Variants in DEPTOR observed in about 807,000 individuals in gnomAD.
The protein encoded by DEPTOR is DEP domain-containing mTOR-interacting protein.
DEPTOR carries 41 observed loss-of-function variants against 41.6 expected under a neutral mutation model. The ratio of observed to expected loss-of-function variants is 0.98; its 90% CI spans 0.77 to 1.28. DEPTOR has a LOEUF of 1.28. DEPTOR is among the 50% of genes most tolerant of loss of function. The pLI is 0.00. For synonymous variants in DEPTOR, 195 were observed against 192.3 expected, an observed-to-expected ratio of 1.01 and a Z score of -0.12; for missense variants, 514 against 527.9, an observed-to-expected ratio of 0.97 and a Z score of 0.26.
intron 4 of DEPTOR, among the ~76,000 whole-genome samples, chr8:119,972,995 A>G (rs1455600771): frequency 6.6e-6 from 1 of 151,658 alleles, no homozygotes. Context: ...GCTGGAGTGC[A>G]ATGGTGTGAT....
chr8:120,049,836 C>A lies in DEPTOR; in HGVS notation c.*132C>A. 1 of 1,169,030 alleles carries A rather than the reference C, an allele frequency of 8.6e-7. No individual in the cohort carries two copies. 72.4% of individuals were successfully genotyped at this position (1,169,030 alleles called of 1,614,324 possible). ...ACGAGTCTTCTCCGCACATACATGT[C>A]TAAAGTTGAGTTTTATACACTGAAT... On this transcript the variant is annotated 3_prime_UTR_variant, in exon 9 of 9. Coordinates refer to ENST00000286234, the MANE Select transcript of DEPTOR (RefSeq NM_022783.4).
At chr8:119,884,764 C>T (rs920664920) in intron 1 of DEPTOR, among the ~76,000 whole-genome samples, 4 of 151,542 alleles carry the variant, frequency 2.6e-5, no homozygotes, top group Middle Eastern at 3.2e-3. Context: ...CTCTCTGTTG[C>T]TCAGGCTGGA....
intron 4 of DEPTOR, among the ~76,000 whole-genome samples, chr8:119,980,937 T>C (rs933833033): frequency 3.3e-5 from 5 of 152,200 alleles, no homozygotes; most frequent in Non-Finnish European, 7.3e-5. Context: ...ACCAGCCACA[T>C]AGGTAACAAC....
chr8:119,929,097 A>C (rs1828006459), intron 2 of DEPTOR, among the ~76,000 whole-genome samples: 1 of 152,144 alleles, frequency 6.6e-6, no homozygotes, highest in African/African-American at 2.4e-5. Flanking sequence ...CATATGTATA[A>C]TTATGCCACT....
At chr8:119,910,071 A>G (rs1353515916) in intron 1 of DEPTOR, among the ~76,000 whole-genome samples, 1 of 152,250 alleles carries the variant, frequency 6.6e-6, no homozygotes, top group Admixed American at 6.5e-5. Context: ...CTGGAGATCC[A>G]GATAGAGGTG....
Position 119,928,871 on chromosome 8 carries a change from G to A in DEPTOR, c.301+293G>A, listed in dbSNP as rs529507933. On this transcript the variant is annotated intron_variant, in intron 2 of 8. Coordinates refer to ENST00000286234, the MANE Select transcript of DEPTOR (RefSeq NM_022783.4). ...CCCCCAAAGTGCTGGGATTACAGGC[G>A]TGAGCCACTGTGTCCAGCTGGCATT... Among the ~76,000 whole-genome samples, 376 of 151,870 alleles carry A rather than the reference G, an allele frequency of 2.5e-3. 5 individuals are homozygous for A. The highest frequency in any genetic ancestry group is 8.1e-3 in the African/African-American group (337 of 41,422).
chr8:119,875,085 C>T (rs1022191620), intron 1 of DEPTOR, among the ~76,000 whole-genome samples: 4 of 152,070 alleles, frequency 2.6e-5, no homozygotes, highest in Non-Finnish European at 5.9e-5. Flanking sequence ...GCAAATTGCA[C>T]CTATCGATTC....
At chr8:119,912,316 A>G (rs1827755852) in intron 1 of DEPTOR, among the ~76,000 whole-genome samples, 1 of 152,242 alleles carries the variant, frequency 6.6e-6, no homozygotes, top group South Asian at 2.1e-4. Context: ...CAATTCCCTA[A>G]CATATAGAAT....
Position 119,873,872 on chromosome 8 carries a change from G to A in DEPTOR, c.26G>A (p.Ser9Asn), listed in dbSNP as rs145341556. 3.8e-4 allele frequency: 611 copies of A among 1,613,466 alleles called. 4 individuals are homozygous for A. In the African/African-American group the frequency reaches 6.6e-3, roughly 18 times the overall value. ...ATGGAGGAGGGCGGCAGCACTGGCA[G>A]TGCTGGCAGTGACAGCAGCACCAGC... MEEGGSTG[S>N]AGSDSSTSGS... is the part of the protein sequence containing the mutation. Residue 9 changes from serine to asparagine, a missense_variant, in exon 1 of 9, where the codon AGT (serine) becomes AAT (asparagine). Coordinates refer to ENST00000286234, the MANE Select transcript of DEPTOR (RefSeq NM_022783.4).
At chr8:119,997,581 A>G (rs976865479) in intron 4 of DEPTOR, among the ~76,000 whole-genome samples, 2 of 152,140 alleles carry the variant, frequency 1.3e-5, no homozygotes, top group African/African-American at 2.4e-5. Flanking sequence ...AATTAACTAT[A>G]CTTGTCTTTG....
intron 3 of DEPTOR, among the ~76,000 whole-genome samples, chr8:119,961,061 T>C (rs1433833195): frequency 2.0e-5 from 3 of 151,872 alleles, no homozygotes; most frequent in African/African-American, 7.3e-5. Context: ...TAAACTTAAA[T>C]CTTTGAATGC....
rs1828070917 is a variant in DEPTOR, at chr8:119,933,445, C to T, written c.425+3507C>T. Among the ~76,000 whole-genome samples, 4 of 135,408 alleles carry T rather than the reference C, an allele frequency of 3.0e-5. No individual in the cohort carries two copies. The Admixed American group carries it at 3.2e-4, about 11-fold the overall frequency. The allele number at this position is 135,408 out of a possible 152,430, so 88.8% of individuals were successfully genotyped here. A position where few individuals can be genotyped will look rare whatever the true frequency, so the allele number is the denominator to read the frequency against. Reference sequence around the variant, plus strand: ...AAGTTCAAGCCCCCTTTCTTTGAGACAGAGCAAGACACACACACACACACA... The same window carrying T: ...AAGTTCAAGCCCCCTTTCTTTGAGATAGAGCAAGACACACACACACACACA... On this transcript the variant is annotated intron_variant, in intron 3 of 8. Coordinates refer to ENST00000286234, the MANE Select transcript of DEPTOR (RefSeq NM_022783.4).
intron 8 of DEPTOR, among the ~76,000 whole-genome samples, chr8:120,028,376 A>C (rs1478310857): frequency 6.6e-6 from 1 of 150,458 alleles, no homozygotes; most frequent in Non-Finnish European, 1.5e-5. Context: ...ATTTACACAC[A>C]CATTTGGGAA....
intron 1 of DEPTOR, among the ~76,000 whole-genome samples, chr8:119,884,219 C>G (rs1380302180): frequency 6.6e-6 from 1 of 152,076 alleles, no homozygotes; most frequent in Non-Finnish European, 1.5e-5. Context: ...CACCACACCT[C>G]ACTAATTTCT....
Position 119,999,174 on chromosome 8 carries a change from CAGG to C in DEPTOR, c.605-2348_605-2346del, listed in dbSNP as rs766419492. The stretch of plus-strand genomic sequence containing the variant: ...ATCCCAGCTACTTCGGAGCCTGAGG[CAGG>C]AGAATCGCTTGAACCCGAGACTCGG... On this transcript the variant is annotated intron_variant, in intron 4 of 8. Transcript: ENST00000286234. 2.6e-4 allele frequency among the ~76,000 whole-genome samples: 39 copies of C among 151,274 alleles called. No homozygotes were observed. In the East Asian group the frequency reaches 6.8e-3, roughly 26 times the overall value.
At chr8:120,040,828 T>A (rs1813056583) in intron 8 of DEPTOR, among the ~76,000 whole-genome samples, 1 of 152,162 alleles carries the variant, frequency 6.6e-6, no homozygotes, top group Admixed American at 6.5e-5. Context: ...ATCAGGATGA[T>A]CTCTAGAACA....
chr8:119,957,743 C>T (rs1261315239), intron 3 of DEPTOR, among the ~76,000 whole-genome samples: 1 of 152,116 alleles, frequency 6.6e-6, no homozygotes, highest in Non-Finnish European at 1.5e-5. Flanking sequence ...CACGCGCCAC[C>T]ATGCCCGGCT....
intron 4 of DEPTOR, among the ~76,000 whole-genome samples, chr8:119,989,702 C>T (rs1474434886): frequency 6.6e-6 from 1 of 152,210 alleles, no homozygotes; most frequent in Non-Finnish European, 1.5e-5. Context: ...GGGCCGTGCA[C>T]AGGCTATCTA....
chr8:120,017,476 G>T (rs1812630603), intron 8 of DEPTOR, among the ~76,000 whole-genome samples: 1 of 152,220 alleles, frequency 6.6e-6, no homozygotes, highest in African/African-American at 2.4e-5. Flanking sequence ...GCTCATAGAT[G>T]CGTGACCTTT....
Sources: allele counts gnomAD v4.1 joint callset (sites outside exome capture counted in the v4.1 genomes callset), GRCh38; gene constraint gnomAD v4.1.1; transcripts MANE v1.5; gene names NCBI Gene and HGNC (gene_info 2026-07-23, HGNC 2026-07-21).